Variants in TPMT observed in about 807,000 individuals in gnomAD.
TPMT encodes S-adenosyl-L-methionine:thiopurine S-methyltransferase.
In TPMT, 18 loss-of-function variants were observed where a neutral mutation model predicts 34.2. The ratio of observed to expected loss-of-function variants is 0.53; its 90% CI spans 0.36 to 0.78. The LOEUF (loss-of-function observed/expected upper bound fraction) is 0.78. Among genes scored for constraint, TPMT ranks in the 30% least tolerant of loss-of-function variants. The pLI is 0.00. For synonymous variants in TPMT, 69 were observed against 92.4 expected (o/e 0.75, Z 1.45); for missense variants, 265 against 288.1 (o/e 0.92, Z 0.58).
rs1246323577 is a variant in TPMT, at chr6:18,149,028, C to T, written c.100G>A (p.Val34Met). Residue 34 changes from valine to methionine, a missense_variant, in exon 2 of 9, where the codon GTG becomes ATG. Val to Met is a conservative substitution (Grantham distance 21, BLOSUM62 1). Transcript: ENST00000309983. The surrounding 1 kb of genome is among the most constrained non-coding windows in gnomAD (Gnocchi z 5.0). ...LTLEEWQDKWVNGKTAFHQEQ... is the reference protein window; with the variant it reads ...LTLEEWQDKWMNGKTAFHQEQ... ...TGATGAAAAGCAGTCTTGCCGTTCA[C>T]CCACTTGTCTTGCCATTCTTCCAGA... is the stretch of plus-strand genomic sequence containing the variant. 6.2e-7 allele frequency: 1 copy of T among 1,613,998 alleles called. No homozygotes were observed. Among genetic ancestry groups the T allele is most frequent in the African/African-American group, 1.3e-5 (1 of 74,940 alleles).
At position 18,153,414 on chromosome 6, in the gene TPMT, G is replaced by A. The variant is rs146407521; in HGVS notation, c.-45+1619C>T. Among the ~76,000 whole-genome samples the A allele has an allele frequency of 5.7e-3, 871 of 152,256 alleles. 6 individuals carry two copies. Among genetic ancestry groups the A allele is most frequent in the Middle Eastern group, 0.01 (3 of 294 alleles). The stretch of plus-strand genomic sequence containing the variant: ...TTCTAACATTCCCTTTAAATCATTA[G>A]TGAAACTAGTTTGGATTATACTAGC... On this transcript the variant is annotated intron_variant, in intron 1 of 8. Transcript: ENST00000309983. This position sits in a 1 kb window ranked among gnomAD's most constrained non-coding sequence, Gnocchi z 4.2.
rs971168557 is a variant in TPMT at position 18,130,841 on chromosome 6, A to T, written c.626-61T>A. The T allele has an allele frequency of 2.1e-6, 3 of 1,427,058 alleles. No homozygotes were observed. Among genetic ancestry groups the T allele is most frequent in the African/African-American group, 2.8e-5 (2 of 70,998 alleles). 88.4% of individuals were successfully genotyped at this position (1,427,058 alleles called of 1,614,324 possible). On this transcript the variant is annotated intron_variant, in intron 8 of 8. Transcript: ENST00000309983. The surrounding 1 kb of genome is among the most constrained non-coding windows in gnomAD (Gnocchi z 4.2). The stretch of plus-strand genomic sequence containing the variant: ...GAAGAATGACATCAGGGATTCTTTT[A>T]AAAATACTCAAAATTGGCTGGGTGC...
In TPMT at chr6:18,130,714, C is replaced by A. The variant is rs780065109; in HGVS notation, c.692G>T (p.Gly231Val). Residue 231 changes from glycine to valine, a missense_variant, in exon 9 of 9, where the codon GGA (glycine) becomes GTA (valine). Gly to Val is a moderately radical substitution (Grantham distance 109). Coordinates refer to ENST00000309983, the MANE Select transcript of TPMT (RefSeq NM_000367.5). The surrounding 1 kb of genome is among the most constrained non-coding windows in gnomAD (Gnocchi z 4.2). ...TAACTTTTCAAAAAGACAGTCAATT[C>A]CCCAACTTTTATGTCGTTCTTCAAA... ...DAFEERHKSW[G>V]IDCLFEKLYL... 2 of 1,613,230 alleles carry A rather than the reference C, an allele frequency of 1.2e-6. No homozygotes were observed. The highest frequency in any genetic ancestry group is 1.7e-6 in the Non-Finnish European group (2 of 1,179,904).
chr6:18,132,264 G>T lies in TPMT; in HGVS notation c.581-87C>A. The T allele has an allele frequency of 8.1e-7, 1 of 1,242,100 alleles. No individual in the cohort carries two copies. Among genetic ancestry groups the T allele is most frequent in the Non-Finnish European group, 1.2e-6 (1 of 852,534 alleles). The allele number at this position is 1,242,100 out of a possible 1,614,324, so 76.9% of individuals were successfully genotyped here. ...ATACAACTTCATTATCCAAATAGGT[G>T]ATGATGTGGCATGTTCTTCTCATTC... On this transcript the variant is annotated intron_variant, in intron 7 of 8. Transcript: ENST00000309983. This position sits in a 1 kb window ranked among gnomAD's most constrained non-coding sequence, Gnocchi z 4.8.
At position 18,147,687 on chromosome 6, in the gene TPMT, ACCCATC is replaced by A. The variant is rs1239714382; in HGVS notation, c.233+130_233+135del. ...TTGAGAATATTATTTCCAATTATAT[ACCCATC>A]ACTAATAGAAAAATAAGGAATTTCT... is the stretch of plus-strand genomic sequence containing the variant. On this transcript the variant is annotated intron_variant, in intron 3 of 8. Transcript: ENST00000309983. 1,750 of 739,884 alleles carry A rather than the reference ACCCATC, an allele frequency of 2.4e-3. 22 individuals are homozygous for A. In the African/African-American group the frequency reaches 0.028, roughly 12 times the overall value. 45.8% of individuals were successfully genotyped at this position (739,884 alleles called of 1,614,324 possible).
intron 4 of TPMT, among the ~76,000 whole-genome samples, chr6:18,141,488 C>T (rs1250258419): frequency 1.3e-5 from 2 of 151,992 alleles, no homozygotes; most frequent in Admixed American, 6.6e-5. Context: ...TATAGGTATG[C>T]ACCACCACAG....
In TPMT at chr6:18,150,099, G is replaced by A. The variant is rs1455558473; in HGVS notation, c.-44-928C>T. Among the ~76,000 whole-genome samples the A allele has an allele frequency of 1.3e-5, 2 of 152,196 alleles. No homozygotes were observed. Among genetic ancestry groups the A allele is most frequent in the African/African-American group, 4.8e-5 (2 of 41,442 alleles). On this transcript the variant is annotated intron_variant, in intron 1 of 8. Coordinates refer to ENST00000309983, the MANE Select transcript of TPMT (RefSeq NM_000367.5). This position sits in a 1 kb window ranked among gnomAD's most constrained non-coding sequence, Gnocchi z 5.3. ...CTCCTCACTTAGACACCAGTTGCAA[G>A]TCCAGGCCTCCACTGGCTTCAAGTT... is the stretch of plus-strand genomic sequence containing the variant.
Position 18,139,773 on chromosome 6 carries a change from T to C in TPMT, c.367-56A>G. 1 of 1,262,942 alleles carries C rather than the reference T, an allele frequency of 7.9e-7. No individual in the cohort carries two copies. Among genetic ancestry groups the C allele is most frequent in the Non-Finnish European group, 1.1e-6 (1 of 880,014 alleles). 78.2% of individuals were successfully genotyped at this position (1,262,942 alleles called of 1,614,324 possible). On this transcript the variant is annotated intron_variant, in intron 4 of 8. Coordinates refer to ENST00000309983, the MANE Select transcript of TPMT (RefSeq NM_000367.5). The surrounding 1 kb of genome is among the most constrained non-coding windows in gnomAD (Gnocchi z 4.2). ...TTTTTTTACTTAGTAAGTACTTGAA[T>C]AGTCAAGGAAAGAGGGCCAAGCAAA...
chr6:18,129,839 T>C lies in TPMT; in HGVS notation c.*829A>G, dbSNP rs543241433. On this transcript the variant is annotated 3_prime_UTR_variant, in exon 9 of 9. Transcript: ENST00000309983. ...TTAATTAAAATTTGTTTCTTGATTC[T>C]GTTATATACATGGAGAAACCATGTG... 2.0e-5 allele frequency: 3 copies of C among 152,250 alleles called. No homozygotes were observed. Among genetic ancestry groups the C allele is most frequent in the Non-Finnish European group, 2.9e-5 (2 of 68,048 alleles). The allele number at this position is 152,250 out of a possible 1,614,324, so 9.4% of individuals were successfully genotyped here.
chr6:18,133,986 T>C lies in TPMT; in HGVS notation c.495-97A>G, dbSNP rs1007516287. On this transcript the variant is annotated intron_variant, in intron 6 of 8. Transcript: ENST00000309983. ...GAAGGAAGCCAGAAGTTACTTTCGC[T>C]GATACTACTGAGTTTAAATTCTCCT... 13 of 881,668 alleles carry C rather than the reference T, an allele frequency of 1.5e-5. No homozygotes were observed. The Middle Eastern group carries it at 9.0e-4, about 61-fold the overall frequency. 54.6% of individuals were successfully genotyped at this position (881,668 alleles called of 1,614,324 possible).
rs553214206 is a variant in TPMT, at chr6:18,138,079, C to T, written c.494+884G>A. 9.8e-4 allele frequency among the ~76,000 whole-genome samples: 149 copies of T among 152,276 alleles called. No individual in the cohort carries two copies. Among genetic ancestry groups the T allele is most frequent in the Middle Eastern group, 3.4e-3 (1 of 294 alleles). Reference sequence around the variant, plus strand: ...ACAGGCGTGAGCCACCACACCCGGCCACAAGTATGGACTTCAAAGCCAAAC... The same window carrying T: ...ACAGGCGTGAGCCACCACACCCGGCTACAAGTATGGACTTCAAAGCCAAAC... On this transcript the variant is annotated intron_variant, in intron 6 of 8. Transcript: ENST00000309983. This position sits in a 1 kb window ranked among gnomAD's most constrained non-coding sequence, Gnocchi z 4.1.
In TPMT at chr6:18,138,499, C is replaced by T. The variant is rs931644762; in HGVS notation, c.494+464G>A. 6.6e-6 allele frequency among the ~76,000 whole-genome samples: 1 copy of T among 152,098 alleles called. No homozygotes were observed. Among genetic ancestry groups the T allele is most frequent in the Admixed American group, 6.6e-5 (1 of 15,258 alleles). On this transcript the variant is annotated intron_variant, in intron 6 of 8. Transcript: ENST00000309983. This position sits in a 1 kb window ranked among gnomAD's most constrained non-coding sequence, Gnocchi z 4.1. The stretch of plus-strand genomic sequence containing the variant: ...CCCAGACTGGTCTCAAACTCCTGGG[C>T]TCAAGTAATCCTCCTGCTTTGGCCT...
At position 18,136,945 on chromosome 6, in the gene TPMT, G is replaced by T. The variant is rs1351442119; in HGVS notation, c.494+2018C>A. 6.6e-6 allele frequency among the ~76,000 whole-genome samples: 1 copy of T among 152,186 alleles called. No homozygotes were observed. ...GGAATCACGACTTTTAGGCATGCAA[G>T]GAGGATGGGAGTTCTGGAAAAGAGA... On this transcript the variant is annotated intron_variant, in intron 6 of 8. Transcript: ENST00000309983. The surrounding 1 kb of genome is among the most constrained non-coding windows in gnomAD (Gnocchi z 4.7).
Position 18,148,917 on chromosome 6 carries a change from CT to C in TPMT, c.140+70del. The C allele has an allele frequency of 6.2e-7, 1 of 1,603,950 alleles. No individual in the cohort carries two copies. The highest frequency in any genetic ancestry group is 1.1e-5 in the South Asian group (1 of 90,806). ...CTAAAAGTTAGTCAAATAATGTGTA[CT>C]TTTATTATTTCTATCTCAAAGTCAC... On this transcript the variant is annotated intron_variant, in intron 2 of 8. Transcript: ENST00000309983. The surrounding 1 kb of genome is among the most constrained non-coding windows in gnomAD (Gnocchi z 4.1).
Position 18,143,739 on chromosome 6 carries a change from T to G in TPMT, c.234-11A>C. Reference sequence around the variant, plus strand: ...CCCCGGTCTGCAAACCTGCATAAAATCATACATTTACACTTAAATTATGTT... The same window carrying G: ...CCCCGGTCTGCAAACCTGCATAAAAGCATACATTTACACTTAAATTATGTT... On this transcript the variant is annotated splice_polypyrimidine_tract_variant and intron_variant, in intron 3 of 8. Coordinates refer to ENST00000309983, the MANE Select transcript of TPMT (RefSeq NM_000367.5). The surrounding 1 kb of genome is among the most constrained non-coding windows in gnomAD (Gnocchi z 6.1). 1 of 1,613,986 alleles carries G rather than the reference T, an allele frequency of 6.2e-7. No homozygotes were observed. The highest frequency in any genetic ancestry group is 8.5e-7 in the Non-Finnish European group (1 of 1,179,984).
chr6:18,144,280 C>A (rs1784207024), intron 3 of TPMT, among the ~76,000 whole-genome samples: 1 of 152,202 alleles, frequency 6.6e-6, no homozygotes, highest in Admixed American at 6.5e-5. Flanking sequence ...CATTTGTATA[C>A]TAATCTTGTA....
Position 18,143,659 on chromosome 6 carries a change from T to G in TPMT, c.303A>C (p.Thr101=). Residue 101 remains threonine, a synonymous_variant, in exon 4 of 9, where the codon ACA becomes ACC. Transcript: ENST00000309983. This position sits in a 1 kb window ranked among gnomAD's most constrained non-coding sequence, Gnocchi z 6.1. ...CTTCTGAGTAAGAAAGATTCTGCTC[T>G]GTAAAAAATTCTTGTATCCCAAGTT... The part of the protein sequence containing the change: ...ISELGIQEFF[T]EQNLSYSEEP... 6.2e-7 allele frequency: 1 copy of G among 1,614,026 alleles called. No individual in the cohort carries two copies. The highest frequency in any genetic ancestry group is 8.5e-7 in the Non-Finnish European group (1 of 1,180,004).
rs1324606228 is a variant in TPMT at position 18,135,579 on chromosome 6, T to C, written c.495-1690A>G. Among the ~76,000 whole-genome samples, 2 of 152,040 alleles carry C rather than the reference T, an allele frequency of 1.3e-5. No homozygotes were observed. Among genetic ancestry groups the C allele is most frequent in the Admixed American group, 1.3e-4 (2 of 15,252 alleles). Reference sequence around the variant, plus strand: ...ACTAAGTACCAGCACATATATAAAATACTAACATAAGGCTGGGCACGGTGA... The same window carrying C: ...ACTAAGTACCAGCACATATATAAAACACTAACATAAGGCTGGGCACGGTGA... On this transcript the variant is annotated intron_variant, in intron 6 of 8. Coordinates refer to ENST00000309983, the MANE Select transcript of TPMT (RefSeq NM_000367.5). This position sits in a 1 kb window ranked among gnomAD's most constrained non-coding sequence, Gnocchi z 5.0.
At position 18,139,126 on chromosome 6, in the gene TPMT, CA is replaced by C. The variant is rs771163159; in HGVS notation, c.420-90del. The C allele has an allele frequency of 8.9e-6, 10 of 1,122,058 alleles. No homozygotes were observed. The highest frequency in any genetic ancestry group is 1.4e-5 in the Non-Finnish European group (10 of 732,220). 69.5% of individuals were successfully genotyped at this position (1,122,058 alleles called of 1,614,324 possible). ...TCCCCCATGGTGCATGCTGGTACTT[CA>C]ACAATCGTCAAGGTATTAGGATCTC... On this transcript the variant is annotated intron_variant, in intron 5 of 8. Transcript: ENST00000309983. This position sits in a 1 kb window ranked among gnomAD's most constrained non-coding sequence, Gnocchi z 4.2.
Sources: gnomAD v4.1 joint callset for allele counts (sites outside exome capture counted in the v4.1 genomes callset) on GRCh38, gnomAD v4.1.1 for gene constraint, Gnocchi (gnomAD v3.1) non-coding constraint, MANE v1.5 for transcripts, NCBI Gene and HGNC (gene_info 2026-07-23, HGNC 2026-07-21) for gene names.